Variants in ATP2C2 observed in about 807,000 individuals in gnomAD.
ATP2C2 encodes the protein calcium-transporting ATPase type 2C member 2.
Under a neutral mutation model 110.8 loss-of-function variants are expected in ATP2C2, and 171 were observed. That is an observed-to-expected ratio of 1.54 (90% CI 1.36 to 1.75). The LOEUF (loss-of-function observed/expected upper bound fraction) is 1.75. Among genes scored for constraint, ATP2C2 ranks in the 40% most tolerant of loss-of-function variants. ATP2C2 has a pLI of 0.00. For missense variants in ATP2C2, 1,963 were observed against 1,235.0 expected, an observed-to-expected ratio of 1.59 and a Z score of -8.84; for synonymous variants, 804 against 508.4, an observed-to-expected ratio of 1.58 and a Z score of -7.82.
At position 84,458,607 on chromosome 16, in the gene ATP2C2, T is replaced by G. The variant is rs532466136; in HGVS notation, c.2148-513T>G. ...GGGCACCCACGGTGCGTAATTGTTT[T>G]TCTACATTAGTGACCCCAGGTCAAG... On this transcript the variant is annotated intron_variant, in intron 21 of 26. Transcript: ENST00000262429. 3.9e-5 allele frequency among the ~76,000 whole-genome samples: 6 copies of G among 152,364 alleles called. No homozygotes were observed. The East Asian group carries it at 5.8e-4, about 15-fold the overall frequency.
rs150034273 is a variant in ATP2C2 at position 84,439,159 on chromosome 16, G to T, written c.987-7G>T. 3 of 1,612,088 alleles carry T rather than the reference G, an allele frequency of 1.9e-6. No homozygotes were observed. The highest frequency in any genetic ancestry group is 2.2e-5 in the South Asian group (2 of 90,946). ...TTAGAGGGGACTCATTTGACCTTTCGATCCAGCCTGGCTGTGGCGGCCATT... is the reference window on the plus strand; with the variant it reads ...TTAGAGGGGACTCATTTGACCTTTCTATCCAGCCTGGCTGTGGCGGCCATT... On this transcript the variant is annotated splice_region_variant and splice_polypyrimidine_tract_variant and intron_variant, in intron 11 of 26. Coordinates refer to ENST00000262429, the MANE Select transcript of ATP2C2 (RefSeq NM_014861.4).
At chr16:84,427,581 G>T (rs934461648) in intron 11 of ATP2C2, among the ~76,000 whole-genome samples, 2 of 152,106 alleles carry the variant, frequency 1.3e-5, no homozygotes, top group Non-Finnish European at 1.5e-5. Flanking sequence ...ACTGGGTGTG[G>T]TGGCAGGCAC....
At chr16:84,395,453 G>A (rs935098233) in intron 1 of ATP2C2, among the ~76,000 whole-genome samples, 1 of 146,170 alleles carries the variant, frequency 6.8e-6, no homozygotes, top group African/African-American at 2.6e-5. Context: ...GGGAATTGGT[G>A]CCTTTGATCT....
chr16:84,407,156 A>T (rs1905848661), intron 3 of ATP2C2: 1 of 151,948 alleles, frequency 6.6e-6, no homozygotes, highest in Non-Finnish European at 1.5e-5. Flanking sequence ...CCTGCATGCC[A>T]AGTGTTGTGA....
intron 2 of ATP2C2, chr16:84,404,869 G>C: frequency 1.9e-6 from 1 of 535,548 alleles, no homozygotes; most frequent in South Asian, 1.6e-5. Flanking sequence ...GGAAGTCTAT[G>C]CTGCATTTCC....
intron 6 of ATP2C2, among the ~76,000 whole-genome samples, chr16:84,413,396 C>G (rs144972543): frequency 6.6e-6 from 1 of 152,112 alleles, no homozygotes; most frequent in Admixed American, 6.6e-5. Context: ...CAAATAGGGA[C>G]AAGAAGAGGA....
chr16:84,408,593 A>AG (rs1301553722), intron 4 of ATP2C2, 99 bp downstream of exon 4: 1 of 946,276 alleles, frequency 1.1e-6, no homozygotes, highest in Non-Finnish European at 1.6e-6. Flanking sequence ...AGTTTGCTGT[A>AG]GGGGGGAAAA....
At chr16:84,379,401 A>G (rs991083059) in intron 1 of ATP2C2, among the ~76,000 whole-genome samples, 3 of 152,198 alleles carry the variant, frequency 2.0e-5, no homozygotes, top group African/African-American at 7.2e-5. Context: ...CCTGGGCTCA[A>G]GAGATCTGTC....
At position 84,445,843 on chromosome 16, in the gene ATP2C2, G is replaced by C. The variant is rs377046954; in HGVS notation, c.1402-486G>C. Among the ~76,000 whole-genome samples the C allele has an allele frequency of 6.0e-4, 91 of 152,352 alleles. 1 individual carries two copies. The highest frequency in any genetic ancestry group is 2.1e-3 in the African/African-American group (89 of 41,584). ...TGGGACAGTGGGATGCATGGGTCAT[G>C]ACTGGTTTACACCTGGGGAAACTGA... On this transcript the variant is annotated intron_variant, in intron 15 of 26. Coordinates refer to ENST00000262429, the MANE Select transcript of ATP2C2 (RefSeq NM_014861.4).
intron 24 of ATP2C2, chr16:84,461,364 C>T (rs1249747937): frequency 2.4e-6 from 1 of 412,578 alleles, no homozygotes; most frequent in Non-Finnish European, 4.4e-6. Flanking sequence ...CCCTCTACTA[C>T]TGACGGCCAT....
intron 1 of ATP2C2, among the ~76,000 whole-genome samples, chr16:84,394,251 G>C (rs1008883335): frequency 6.6e-6 from 1 of 152,020 alleles, no homozygotes; most frequent in Non-Finnish European, 1.5e-5. Context: ...CCATCTCACA[G>C]TAAACATTGT....
Position 84,409,621 on chromosome 16 carries a change from C to T in ATP2C2, c.418-947C>T, listed in dbSNP as rs141961354. ...GCTTCTCCTGCCTCAGCCTTCTGAG[C>T]AGCTGGGATTACAGGTGCCCGCCAC... On this transcript the variant is annotated intron_variant, in intron 4 of 26. Transcript: ENST00000262429. Among the ~76,000 whole-genome samples the T allele has an allele frequency of 2.6e-3, 401 of 152,182 alleles. 2 individuals carry two copies. The highest frequency in any genetic ancestry group is 0.02 in the Middle Eastern group (6 of 294).
At position 84,398,599 on chromosome 16, in the gene ATP2C2, G is replaced by C. The variant is rs772457172; in HGVS notation, c.200G>C (p.Arg67Thr). 1.9e-6 allele frequency: 3 copies of C among 1,609,814 alleles called. No homozygotes were observed. The highest frequency in any genetic ancestry group is 1.1e-5 in the South Asian group (1 of 90,532). Reference protein sequence around the residue: ...ACKCQKEDLARAFCVDLHTGL... With the variant: ...ACKCQKEDLATAFCVDLHTGL... ...AAATGCCAGAAAGAGGATTTGGCCA[G>C]AGCGTTTTGTGTAAGAATTGAATTT... is the stretch of plus-strand genomic sequence containing the variant. Residue 67 changes from arginine to threonine, a missense_variant, in exon 2 of 27, where the codon AGA becomes ACA. By Grantham distance (71) the Arg-to-Thr change is moderately conservative (BLOSUM62 -1). Transcript: ENST00000262429.
chr16:84,380,480 A>G (rs72804640), intron 1 of ATP2C2, among the ~76,000 whole-genome samples: 21,043 of 151,904 alleles, frequency 0.14, 1,611 homozygotes, highest in East Asian at 0.29. Context: ...TATGGATCCT[A>G]TTTTCCCCCG....
chr16:84,394,019 T>A (rs79041242), intron 1 of ATP2C2, among the ~76,000 whole-genome samples: 42,727 of 140,336 alleles, frequency 0.3, 6,864 homozygotes, highest in South Asian at 0.36. Context: ...AATAAAAAAA[T>A]AAAAAATAAA....
intron 7 of ATP2C2, among the ~76,000 whole-genome samples, chr16:84,421,289 C>G (rs57439380): frequency 0.2 from 29,915 of 152,294 alleles, 3,228 homozygotes; most frequent in Non-Finnish European, 0.25. Flanking sequence ...CTCCCTGACG[C>G]TGTGGGGTCC....
chr16:84,380,168 C>CTA lies in ATP2C2; in HGVS notation c.99+11457_99+11458dup, dbSNP rs528293442. 2.7e-3 allele frequency among the ~76,000 whole-genome samples: 404 copies of CTA among 152,292 alleles called. 4 individuals carry two copies. The highest frequency in any genetic ancestry group is 4.9e-4 in the Non-Finnish European group (33 of 68,024). On this transcript the variant is annotated intron_variant, in intron 1 of 26. Coordinates refer to ENST00000262429, the MANE Select transcript of ATP2C2 (RefSeq NM_014861.4). ...GAGGTGCCTGTTCCCCAGGGAAAGT[C>CTA]TATAAATAGCCAGTCTCCTTCAGCA... is the stretch of plus-strand genomic sequence containing the variant.
chr16:84,461,771 G>C lies in ATP2C2; in HGVS notation c.2539G>C (p.Val847Leu), dbSNP rs201032275. 1.1e-4 allele frequency: 171 copies of C among 1,614,038 alleles called. No homozygotes were observed. Among genetic ancestry groups the C allele is most frequent in the Non-Finnish European group, 1.2e-4 (143 of 1,179,992 alleles). ...CACGACGATGACGTTCACTTGTTTT[G>C]TGTTTTTCGATCTCTTCAACGCCTT... Reference protein sequence around the residue: ...RTTTMTFTCFVFFDLFNALTC... With the variant: ...RTTTMTFTCFLFFDLFNALTC... Residue 847 changes from valine to leucine, a missense_variant, in exon 25 of 27, where the codon GTG becomes CTG. By Grantham distance (32) the Val-to-Leu change is conservative. Coordinates refer to ENST00000262429, the MANE Select transcript of ATP2C2 (RefSeq NM_014861.4).
At chr16:84,391,113 C>CAAA (rs567509863) in intron 1 of ATP2C2, among the ~76,000 whole-genome samples, 13,339 of 72,694 alleles carry the variant, frequency 0.18, 1,665 homozygotes, top group South Asian at 0.27. Flanking sequence ...GACTCAGACT[C>CAAA]AAAAAAAAAA....
Sources: gnomAD v4.1 joint callset for allele counts (sites outside exome capture counted in the v4.1 genomes callset) on GRCh38, gnomAD v4.1.1 for gene constraint, MANE v1.5 for transcripts, NCBI Gene and HGNC (gene_info 2026-07-23, HGNC 2026-07-21) for gene names.